SAMD5: variants seen among roughly 807,000 people sequenced by gnomAD.
SAMD5 encodes sterile alpha motif domain containing 5.
A neutral mutation model predicts 11.3 loss-of-function variants in SAMD5; 13 were observed. The ratio of observed to expected loss-of-function variants is 1.15; its 90% CI spans 0.75 to 1.83. SAMD5 has a LOEUF of 1.83. Ranked by LOEUF, SAMD5 falls within the 40% of genes most tolerant of loss-of-function variation. The pLI is 0.00. For synonymous variants in SAMD5, 129 were observed against 111.3 expected (o/e 1.16, Z -1.00); for missense variants, 255 against 239.1 (o/e 1.07, Z -0.44).
intron 1 of SAMD5, among the ~76,000 whole-genome samples, chr6:147,700,461 T>C (rs1477164022): frequency 6.6e-6 from 1 of 152,214 alleles, no homozygotes; most frequent in Non-Finnish European, 1.5e-5. Flanking sequence ...TCAGGATTTT[T>C]TCCCCCCAGA....
chr6:147,944,192 A>T, the SAMD5 span, among the ~76,000 whole-genome samples: 1 of 152,192 alleles, frequency 6.6e-6, no homozygotes, highest in African/African-American at 2.4e-5. Context: ...CTCCCCTAAG[A>T]AAACCCTTGC....
chr6:147,803,109 A>G, the SAMD5 span, among the ~76,000 whole-genome samples: 434 of 151,174 alleles, frequency 2.9e-3, 2 homozygotes, highest in African/African-American at 0.01. Flanking sequence ...TATATAACAT[A>G]TAAGACTTTT....
At chr6:147,681,809 A>G (rs931649802) in intron 1 of SAMD5, among the ~76,000 whole-genome samples, 2 of 151,812 alleles carry the variant, frequency 1.3e-5, no homozygotes, top group Non-Finnish European at 2.9e-5. Flanking sequence ...CTTAGGCAGA[A>G]CTCTTCTGAG....
chr6:147,595,677 C>T (rs1023614225), intron 1 of SAMD5, among the ~76,000 whole-genome samples: 3 of 151,906 alleles, frequency 2.0e-5, no homozygotes, highest in African/African-American at 7.3e-5. Flanking sequence ...CAGGTGCCCA[C>T]CACCACACCC....
chr6:147,880,444 G>A, the SAMD5 span, among the ~76,000 whole-genome samples: 17 of 152,198 alleles, frequency 1.1e-4, no homozygotes, highest in South Asian at 3.5e-3. Context: ...GTTGTACTGG[G>A]TAAAAACATC....
chr6:147,596,388 G>A (rs1214187976), intron 1 of SAMD5, among the ~76,000 whole-genome samples: 1 of 152,152 alleles, frequency 6.6e-6, no homozygotes, highest in Non-Finnish European at 1.5e-5. Context: ...TGATTTAAAA[G>A]TAATTTTCAG....
Position 147,696,684 on chromosome 6 carries a change from G to A in SAMD5, c.163-40633G>A, listed in dbSNP as rs145649214. ...CTAAGCTGTGTTGGATATCTGGCTCGTTTCTGTTAGCTGAGTGACTTTGGG... is the reference window on the plus strand; with the variant it reads ...CTAAGCTGTGTTGGATATCTGGCTCATTTCTGTTAGCTGAGTGACTTTGGG... On this transcript the variant is annotated intron_variant, in intron 1 of 1. Transcript: ENST00000566741. Among the ~76,000 whole-genome samples the A allele has an allele frequency of 8.3e-3, 1,260 of 152,244 alleles. 24 individuals carry two copies. Among genetic ancestry groups the A allele is most frequent in the African/African-American group, 0.029 (1,193 of 41,526 alleles).
chr6:147,809,861 C>T, the SAMD5 span, among the ~76,000 whole-genome samples: 182 of 152,322 alleles, frequency 1.2e-3, 1 homozygote, highest in African/African-American at 4.2e-3. Context: ...TAGCTAAAAA[C>T]GTCTCCAGAC....
chr6:147,714,085 T>G (rs544851724), intron 1 of SAMD5, among the ~76,000 whole-genome samples: 2 of 152,308 alleles, frequency 1.3e-5, no homozygotes, highest in East Asian at 3.9e-4. Context: ...ATGAAAATAA[T>G]GGGCACCTTC....
chr6:147,579,482 T>G (rs1253938743), intron 1 of SAMD5, among the ~76,000 whole-genome samples: 1 of 121,126 alleles, frequency 8.3e-6, no homozygotes, highest in East Asian at 2.8e-4. Flanking sequence ...TTTTTTTTTT[T>G]TGAGACGGAG....
chr6:147,751,063 G>A, the SAMD5 span, among the ~76,000 whole-genome samples: 1 of 152,122 alleles, frequency 6.6e-6, no homozygotes, highest in African/African-American at 2.4e-5. Flanking sequence ...CCACATCATG[G>A]CTCCAACGAC....
the SAMD5 span, among the ~76,000 whole-genome samples, chr6:147,753,496 T>C: frequency 4.6e-5 from 7 of 152,278 alleles, no homozygotes; most frequent in Non-Finnish European, 7.4e-5. Context: ...CAATGTAAAA[T>C]AAGCATATCA....
At chr6:147,830,259 T>TTTTC in the SAMD5 span, among the ~76,000 whole-genome samples, 14 of 131,928 alleles carry the variant, frequency 1.1e-4, no homozygotes, top group African/African-American at 4.2e-4. Flanking sequence ...TTCTTTTTTT[T>TTTTC]TTTTTTTTTT....
Position 147,567,185 on chromosome 6 carries a change from G to A in SAMD5, c.*2729G>A, listed in dbSNP as rs2128444898. On this transcript the variant is annotated 3_prime_UTR_variant, in exon 2 of 2. Coordinates refer to ENST00000367474, the MANE Select transcript of SAMD5 (RefSeq NM_001030060.3). Reference sequence around the variant, plus strand: ...TAAAAGATTTCTTGGCATAGGGAAGGCGTAATGTTAAGGGCTTCTTCCTTA... The same window carrying A: ...TAAAAGATTTCTTGGCATAGGGAAGACGTAATGTTAAGGGCTTCTTCCTTA... 2 of 985,294 alleles carry A rather than the reference G, an allele frequency of 2.0e-6. No homozygotes were observed. 61.0% of individuals were successfully genotyped at this position (985,294 alleles called of 1,614,324 possible). A position where few individuals can be genotyped will look rare whatever the true frequency, so the allele number is the denominator to read the frequency against.
the SAMD5 span, among the ~76,000 whole-genome samples, chr6:147,765,910 C>A: frequency 6.6e-6 from 1 of 151,944 alleles, no homozygotes; most frequent in Non-Finnish European, 1.5e-5. Context: ...TCAAGAATCA[C>A]GCAGCATTTT....
chr6:147,879,335 C>T, the SAMD5 span, among the ~76,000 whole-genome samples: 3 of 152,116 alleles, frequency 2.0e-5, no homozygotes, highest in Admixed American at 2.0e-4. Flanking sequence ...GCTTAGTGCC[C>T]GTGGACTCCT....
chr6:147,586,665 A>G (rs1234566603), intron 1 of SAMD5, among the ~76,000 whole-genome samples: 1 of 151,712 alleles, frequency 6.6e-6, no homozygotes, highest in Admixed American at 6.6e-5. Context: ...ATTAGATATA[A>G]TAATTTATAT....
chr6:147,544,983 A>C (rs1268777674), intron 1 of SAMD5, among the ~76,000 whole-genome samples: 2 of 152,146 alleles, frequency 1.3e-5, no homozygotes, highest in Non-Finnish European at 2.9e-5. Context: ...TCATAATTCC[A>C]GTTTTATATT....
At chr6:147,607,155 G>C (rs844603) in intron 1 of SAMD5, among the ~76,000 whole-genome samples, 1 of 151,908 alleles carries the variant, frequency 6.6e-6, no homozygotes, top group Non-Finnish European at 1.5e-5. Flanking sequence ...TCTCATAGAA[G>C]TTTGAATTTT....
Sources: allele counts gnomAD v4.1 joint callset (sites outside exome capture counted in the v4.1 genomes callset), GRCh38; gene constraint gnomAD v4.1.1; transcripts MANE v1.5; gene names NCBI Gene and HGNC (gene_info 2026-07-23, HGNC 2026-07-21).